The following PLP2 variants were observed in gnomAD, a reference collection of about 807,000 sequenced individuals.
PLP2 encodes proteolipid protein 2.
A neutral mutation model predicts 11.4 loss-of-function variants in PLP2; 8 were observed. The ratio of observed to expected loss-of-function variants is 0.70; its 90% confidence interval spans 0.41 to 1.27. The LOEUF (loss-of-function observed/expected upper bound fraction) is 1.27. Among genes scored for constraint, PLP2 ranks in the 50% most tolerant of loss-of-function variants. PLP2 has a pLI of 0.01. For missense variants in PLP2, 127 were observed against 123.5 expected, an observed-to-expected ratio of 1.03 and a Z score of -0.14; for synonymous variants, 50 against 53.2, an observed-to-expected ratio of 0.94 and a Z score of 0.26.
chrX:49,173,571 G>A lies in PLP2; in HGVS notation c.345+88G>A, dbSNP rs1004675270. 7.5e-6 allele frequency: 9 copies of A among 1,194,862 alleles called. No homozygotes were observed. The African/African-American group carries it at 1.6e-4, about 21-fold the overall frequency. On this transcript the variant is annotated intron_variant, in intron 3 of 4. Transcript: ENST00000376327. Reference sequence around the variant, plus strand: ...TCTGCCTTTGCTTCTGGCAGAAATCGTGTGACCCACAGCAAGTCACACTTG... The same window carrying A: ...TCTGCCTTTGCTTCTGGCAGAAATCATGTGACCCACAGCAAGTCACACTTG...
chrX:49,173,194 G>C lies in PLP2; in HGVS notation c.162G>C (p.Val54=). The change falls in exon 2 of 5, where the codon GTG becomes GTC. Residue 54 remains valine, a synonymous_variant. Coordinates refer to ENST00000376327, the MANE Select transcript of PLP2 (RefSeq NM_002668.3). The part of the protein sequence containing the change: ...ASTPGYSSLS[V]IEMILAAIFF... ...CACCAGGCTACTCCTCCCTGTCGGT[G>C]ATTGAGATGATCCTTGCTGCTATTT... 1 of 1,208,555 alleles carries C rather than the reference G, an allele frequency of 8.3e-7. No homozygotes were observed. Among genetic ancestry groups the C allele is most frequent in the Non-Finnish European group, 1.1e-6 (1 of 892,906 alleles).
At chrX:49,173,010 A>G (rs1183027919) in intron 1 of PLP2, 119 bp from the exon 2 acceptor site, 5 of 571,585 alleles carry the variant, frequency 8.7e-6, no homozygotes, top group Non-Finnish European at 1.2e-5. Flanking sequence ...GTGTTTAGCT[A>G]TTATTGTATG....
intron 2 of PLP2, 46 bp downstream of exon 2, chrX:49,173,327 G>A (rs1557099431): frequency 8.3e-7 from 1 of 1,207,054 alleles, no homozygotes; most frequent in South Asian, 1.8e-5. Context: ...GGTCTGGGCA[G>A]TTAGGATTGT....
Position 49,174,904 on chromosome X carries a change from G to A in PLP2, c.*210G>A. 1 of 474,254 alleles carries A rather than the reference G, an allele frequency of 2.1e-6. No individual in the cohort carries two copies. Among genetic ancestry groups the A allele is most frequent in the South Asian group, 3.1e-5 (1 of 32,775 alleles). The allele number at this position is 474,254 out of a possible 1,213,427, so 39.1% of individuals were successfully genotyped here. A position where few individuals can be genotyped will look rare whatever the true frequency, so the allele number is the denominator to read the frequency against. ...ATGTGTGTGCCTAGGTCCTCCTTCT[G>A]CACGATCCAATAGGAGACACCAGTT... On this transcript the variant is annotated 3_prime_UTR_variant, in exon 5 of 5. Transcript: ENST00000376327.
intron 4 of PLP2, 54 bp from the exon 5 acceptor site, chrX:49,174,618 A>C: frequency 8.8e-7 from 1 of 1,130,354 alleles, no homozygotes; most frequent in Non-Finnish European, 1.2e-6. Flanking sequence ...ATCTTGTTTT[A>C]AAAAATGGGC....
At position 49,173,191 on chromosome X, in the gene PLP2, G is replaced by A. The variant is rs1834703357; in HGVS notation, c.159G>A (p.Ser53=). Residue 53 remains serine (S), a synonymous_variant, in exon 2 of 5, where the codon TCG becomes TCA. Transcript: ENST00000376327. ...CCACACCAGGCTACTCCTCCCTGTC[G>A]GTGATTGAGATGATCCTTGCTGCTA... is the stretch of plus-strand genomic sequence containing the variant. ...SASTPGYSSL[S]VIEMILAAIF... 7 of 1,206,332 alleles carry A rather than the reference G, an allele frequency of 5.8e-6. No individual in the cohort carries two copies. The highest frequency in any genetic ancestry group is 1.8e-5 in the South Asian group (1 of 56,622).
Position 49,171,937 on chromosome X carries a change from G to T in PLP2, c.-64G>T. On this transcript the variant is annotated 5_prime_UTR_variant, in exon 1 of 5. Coordinates refer to ENST00000376327, the MANE Select transcript of PLP2 (RefSeq NM_002668.3). ...GGCGGGCAAGACAGCTGGGTGTACA[G>T]CGTCCTCGAAACCACGAGCAAGTGA... 1.3e-6 allele frequency: 1 copy of T among 792,334 alleles called. No homozygotes were observed. The highest frequency in any genetic ancestry group is 1.9e-6 in the Non-Finnish European group (1 of 527,747). The allele number at this position is 792,334 out of a possible 1,213,427, so 65.3% of individuals were successfully genotyped here.
In PLP2 at chrX:49,173,408, A is replaced by G. The variant is rs782532934; in HGVS notation, c.270A>G (p.Ile90Met). 2 of 1,211,247 alleles carry G rather than the reference A, an allele frequency of 1.7e-6. No individual in the cohort carries two copies. Among genetic ancestry groups the G allele is most frequent in the Admixed American group, 2.2e-5 (1 of 45,947 alleles). Residue 90 changes from isoleucine to methionine, a missense_variant, in exon 3 of 5, where the codon ATA (isoleucine) becomes ATG (methionine). Coordinates refer to ENST00000376327, the MANE Select transcript of PLP2 (RefSeq NM_002668.3). ...WPWSDFFRTL[I>M]AAILYLITSI... ...CACAGGATTTCTTCCGAACCCTCAT[A>G]GCGGCAATCCTCTACCTGATCACCT...
rs149928919 is a variant in PLP2, at chrX:49,174,527, C to T, written c.436+102C>T. 2.1e-4 allele frequency: 178 copies of T among 864,600 alleles called. No individual in the cohort carries two copies. The East Asian group carries it at 3.3e-3, about 16-fold the overall frequency. 71.3% of individuals were successfully genotyped at this position (864,600 alleles called of 1,213,427 possible). On this transcript the variant is annotated intron_variant, in intron 4 of 4. Coordinates refer to ENST00000376327, the MANE Select transcript of PLP2 (RefSeq NM_002668.3). ...AAGGCACGAATGCCAACTCTGGTCTCGTATTGGTACTTAGGGCTTTTGTAC... is the reference window on the plus strand; with the variant it reads ...AAGGCACGAATGCCAACTCTGGTCTTGTATTGGTACTTAGGGCTTTTGTAC...
rs138735148 is a variant in PLP2, at chrX:49,174,423, C to A, written c.434C>A (p.Thr145Asn). Residue 145 changes from threonine to asparagine, a missense_variant and splice_region_variant, in exon 4 of 5, where the codon ACT becomes AAT. Coordinates refer to ENST00000376327, the MANE Select transcript of PLP2 (RefSeq NM_002668.3). ...VRQPRHTAAP[T>N]DPADGPV Reference sequence around the variant, plus strand: ...CAGCCAAGACATACAGCAGCCCCCACTGGTAAGTGTGTGTGTGTGTTGGTT... The same window carrying A: ...CAGCCAAGACATACAGCAGCCCCCAATGGTAAGTGTGTGTGTGTGTTGGTT... 9.2e-4 allele frequency: 1,018 copies of A among 1,106,380 alleles called. 1 individual carries two copies. Among genetic ancestry groups the A allele is most frequent in the Non-Finnish European group, 1.2e-3 (984 of 835,689 alleles). 91.2% of individuals were successfully genotyped at this position (1,106,380 alleles called of 1,213,427 possible).
chrX:49,172,707 G>A (rs1301719312), intron 1 of PLP2, among the ~76,000 whole-genome samples: 2 of 112,519 alleles, frequency 1.8e-5, no homozygotes, highest in African/African-American at 6.5e-5. Context: ...TTCCCAAAGG[G>A]GTTGCTGGGG....
rs1282309880 is a variant in PLP2, at chrX:49,174,688, G to C, written c.453G>C (p.Pro151=). Residue 151 remains proline (P), a synonymous_variant, in exon 5 of 5, where the codon CCG becomes CCC. Transcript: ENST00000376327. ...CACCTGCAGACCCCGCAGATGGCCC[G>C]GTGTAGGCGAACTTCCCTCATTTCT... ...TAAPTDPADG[P]V 1.7e-6 allele frequency: 2 copies of C among 1,204,722 alleles called. No homozygotes were observed. Among genetic ancestry groups the C allele is most frequent in the South Asian group, 1.8e-5 (1 of 56,643 alleles).
rs56121332 is a variant in PLP2 at position 49,172,016 on chromosome X, C to T, written c.16C>T (p.Arg6Cys). The T allele has an allele frequency of 9.3e-3, 11,148 of 1,200,565 alleles. 55 individuals carry two copies. Among genetic ancestry groups the T allele is most frequent in the Middle Eastern group, 0.023 (99 of 4,327 alleles). Residue 6 changes from arginine to cysteine, a missense_variant, in exon 1 of 5, where the codon CGC becomes TGC. Physicochemically the swap from Arg to Cys is radical, Grantham distance 180 (BLOSUM62 -3). Transcript: ENST00000376327. ...AGCCCATGCCATGGCGGATTCTGAGCGCCTCTCGGCTCCTGGCTGCTGGGC... is the reference window on the plus strand; with the variant it reads ...AGCCCATGCCATGGCGGATTCTGAGTGCCTCTCGGCTCCTGGCTGCTGGGC... MADSERLSAPGCWAAC... is the reference protein window; with the variant it reads MADSECLSAPGCWAAC...
In PLP2 at chrX:49,173,421, T is replaced by A. The variant is rs782609091; in HGVS notation, c.283T>A (p.Tyr95Asn). Residue 95 changes from tyrosine (Y) to asparagine (N), a missense_variant, in exon 3 of 5, where the codon TAC (tyrosine) becomes AAC (asparagine). Transcript: ENST00000376327. ...CCGAACCCTCATAGCGGCAATCCTC[T>A]ACCTGATCACCTCCATTGTTGTCCT... ...FFRTLIAAIL[Y>N]LITSIVVLVE... 8.3e-6 allele frequency: 10 copies of A among 1,209,834 alleles called. No homozygotes were observed. The highest frequency in any genetic ancestry group is 1.0e-5 in the Non-Finnish European group (9 of 895,167).
At position 49,172,113 on chromosome X, in the gene PLP2, A is replaced by T. The variant is rs200765698; in HGVS notation, c.96+17A>T. The T allele has an allele frequency of 8.9e-7, 1 of 1,118,128 alleles. No individual in the cohort carries two copies. Among genetic ancestry groups the T allele is most frequent in the Non-Finnish European group, 1.2e-6 (1 of 814,370 alleles). 92.1% of individuals were successfully genotyped at this position (1,118,128 alleles called of 1,213,427 possible). On this transcript the variant is annotated intron_variant, in intron 1 of 4. Transcript: ENST00000376327. ...GCTGAGATTGTGAGCGTTCTGGGGCAGGCGCGTGGGCAAAAGCGGGATGGG... is the reference window on the plus strand; with the variant it reads ...GCTGAGATTGTGAGCGTTCTGGGGCTGGCGCGTGGGCAAAAGCGGGATGGG...
chrX:49,172,158 C>A, intron 1 of PLP2, 62 bp downstream of exon 1: 1 of 832,949 alleles, frequency 1.2e-6, no homozygotes, highest in East Asian at 3.3e-5. Context: ...CCATGCGGAA[C>A]TGGATGGTCC....
At chrX:49,173,536 A>G (rs1048768681) in intron 3 of PLP2, 53 bp downstream of exon 3, 1 of 1,210,060 alleles carries the variant, frequency 8.3e-7, no homozygotes, top group African/African-American at 1.7e-5. Flanking sequence ...TTGAGGAGCC[A>G]GGGACCATTT....
At position 49,173,110 on chromosome X, in the gene PLP2, T is replaced by C; in HGVS notation, c.97-19T>C. The C allele has an allele frequency of 1.2e-5, 15 of 1,208,323 alleles. No individual in the cohort carries two copies. The highest frequency in any genetic ancestry group is 1.7e-5 in the Non-Finnish European group (15 of 892,702). On this transcript the variant is annotated intron_variant, in intron 1 of 4. Transcript: ENST00000376327. Reference sequence around the variant, plus strand: ...CCTGGTTGCTGATTGAGGTCCCCTTTCCCATGTCACCCTTCCAGATATTAT... The same window carrying C: ...CCTGGTTGCTGATTGAGGTCCCCTTCCCCATGTCACCCTTCCAGATATTAT...
chrX:49,173,355 T>C, intron 2 of PLP2, 33 bp from the exon 3 acceptor site: 1 of 1,207,271 alleles, frequency 8.3e-7, no homozygotes, highest in Non-Finnish European at 1.1e-6. Context: ...CTGTGGTTGC[T>C]GACTTCCCTC....
Sources: gnomAD v4.1 joint callset for allele counts (sites outside exome capture counted in the v4.1 genomes callset) on GRCh38, gnomAD v4.1.1 for gene constraint, MANE v1.5 for transcripts, NCBI Gene and HGNC (gene_info 2026-07-23, HGNC 2026-07-21) for gene names.